Variants in DLGAP3 observed in about 807,000 individuals in gnomAD.
The protein encoded by DLGAP3 is disks large-associated protein 3.
DLGAP3 carries 17 observed loss-of-function variants against 81.2 expected under a neutral mutation model. The ratio of observed to expected loss-of-function variants is 0.21; its 90% CI spans 0.14 to 0.31. DLGAP3 has a LOEUF of 0.31. Ranked by LOEUF, DLGAP3 falls within the 10% of genes least tolerant of loss-of-function variation. DLGAP3 has a pLI of 1.00. For synonymous variants in DLGAP3, 577 were observed against 587.4 expected (o/e 0.98, Z 0.26); for missense variants, 1,124 against 1,388.0 (o/e 0.81, Z 3.02).
intron 1 of DLGAP3, among the ~76,000 whole-genome samples, chr1:34,915,281 G>A (rs895546813): frequency 6.6e-5 from 10 of 152,330 alleles, no homozygotes; most frequent in African/African-American, 2.4e-4. Context: ...GTCTCTATAT[G>A]TTGGCTTCTT....
intron 1 of DLGAP3, among the ~76,000 whole-genome samples, chr1:34,918,386 A>G (rs1421302609): frequency 6.6e-6 from 1 of 152,152 alleles, no homozygotes; most frequent in Non-Finnish European, 1.5e-5. Context: ...CTCAATGCGG[A>G]GCTGATGTGG....
chr1:34,878,071 G>A (rs184178898), intron 8 of DLGAP3, among the ~76,000 whole-genome samples: 1 of 152,208 alleles, frequency 6.6e-6, no homozygotes, highest in Non-Finnish European at 1.5e-5. Flanking sequence ...TTGGGAGGCT[G>A]AGCCGGGTGG....
chr1:34,893,793 G>T (rs911051905), intron 5 of DLGAP3, among the ~76,000 whole-genome samples: 4 of 152,048 alleles, frequency 2.6e-5, no homozygotes, highest in Admixed American at 2.6e-4. Flanking sequence ...AATATAAATG[G>T]TACACTAAAA....
At chr1:34,920,534 C>T (rs1019397124) in intron 1 of DLGAP3, among the ~76,000 whole-genome samples, 1 of 152,178 alleles carries the variant, frequency 6.6e-6, no homozygotes, top group Non-Finnish European at 1.5e-5. Flanking sequence ...CATGCATGTA[C>T]ATTTGTGCAT....
intron 8 of DLGAP3, among the ~76,000 whole-genome samples, chr1:34,872,586 A>G (rs1007484627): frequency 6.6e-6 from 1 of 152,222 alleles, no homozygotes; most frequent in Non-Finnish European, 1.5e-5. Context: ...GCAAAAAGGA[A>G]TTTGCAGATG....
rs745999126 is a variant in DLGAP3 at position 34,867,322 on chromosome 1, C to G, written c.2578-131G>C. 3 of 1,383,176 alleles carry G rather than the reference C, an allele frequency of 2.2e-6. No individual in the cohort carries two copies. The highest frequency in any genetic ancestry group is 3.1e-6 in the Non-Finnish European group (3 of 980,500). The allele number at this position is 1,383,176 out of a possible 1,614,324, so 85.7% of individuals were successfully genotyped here. A position where few individuals can be genotyped will look rare whatever the true frequency, so the allele number is the denominator to read the frequency against. Reference sequence around the variant, plus strand: ...GGGAGAGTGGGTGGGGGCTGGGAGACAGGGGGACAAGAGCGAGCCCAGGAC... The same window carrying G: ...GGGAGAGTGGGTGGGGGCTGGGAGAGAGGGGGACAAGAGCGAGCCCAGGAC... On this transcript the variant is annotated intron_variant, in intron 10 of 11. Coordinates refer to ENST00000373347, the MANE Select transcript of DLGAP3 (RefSeq NM_001080418.3). This position sits in a 1 kb window ranked among gnomAD's most constrained non-coding sequence, Gnocchi z 4.3.
chr1:34,896,131 T>G (rs1182583268), intron 5 of DLGAP3, among the ~76,000 whole-genome samples: 1 of 152,210 alleles, frequency 6.6e-6, no homozygotes, highest in Non-Finnish European at 1.5e-5. Flanking sequence ...TTAAAATGTT[T>G]TGTTCTCCAA....
chr1:34,884,382 A>G (rs965037588), intron 8 of DLGAP3, among the ~76,000 whole-genome samples: 1 of 152,004 alleles, frequency 6.6e-6, no homozygotes, highest in Non-Finnish European at 1.5e-5. Flanking sequence ...TGGCAATGCT[A>G]ATTCTTCAGT....
chr1:34,885,899 C>A, intron 6 of DLGAP3, 108 bp from the exon 7 acceptor site: 3 of 1,153,254 alleles, frequency 2.6e-6, no homozygotes, highest in Admixed American at 5.6e-5. Flanking sequence ...GACCCTGCAG[C>A]GGCGCGCACT....
chr1:34,904,379 C>T lies in DLGAP3; in HGVS notation c.1005G>A (p.Met335Ile), dbSNP rs1277621112. The T allele has an allele frequency of 2.5e-6, 4 of 1,613,698 alleles. No individual in the cohort carries two copies. In the East Asian group the frequency reaches 6.7e-5, roughly 27 times the overall value. Residue 335 changes from methionine to isoleucine, a missense_variant, in exon 3 of 12, where the codon ATG becomes ATA. By Grantham distance (10) the Met-to-Ile change is conservative. Coordinates refer to ENST00000373347, the MANE Select transcript of DLGAP3 (RefSeq NM_001080418.3). This position sits in a 1 kb window ranked among gnomAD's most constrained non-coding sequence, Gnocchi z 8.1. ...ATCCATCCCGGCCCTGGCTGACCAT[C>T]ATGGTATGCCAGGCACTTCGCTTGA... The part of the protein sequence containing the change: ...QSVKRSAWHT[M>I]MVSQGRDGYP...
Position 34,867,278 on chromosome 1 carries a change from C to T in DLGAP3, c.2578-87G>A. On this transcript the variant is annotated intron_variant, in intron 10 of 11. Coordinates refer to ENST00000373347, the MANE Select transcript of DLGAP3 (RefSeq NM_001080418.3). This position sits in a 1 kb window ranked among gnomAD's most constrained non-coding sequence, Gnocchi z 4.3. ...CAAGAGAAAGTCCTATCCACCCTTA[C>T]TGCCAGGAAGCTCAGCCTGGGAGAG... is the stretch of plus-strand genomic sequence containing the variant. The T allele has an allele frequency of 6.3e-7, 1 of 1,581,190 alleles. No individual in the cohort carries two copies. The highest frequency in any genetic ancestry group is 8.7e-7 in the Non-Finnish European group (1 of 1,152,900).
chr1:34,918,771 C>T (rs373661478), intron 1 of DLGAP3, among the ~76,000 whole-genome samples: 3 of 152,284 alleles, frequency 2.0e-5, no homozygotes, highest in Non-Finnish European at 1.5e-5. Flanking sequence ...CAGGGCCCCA[C>T]AGTGCAGGAA....
intron 8 of DLGAP3, among the ~76,000 whole-genome samples, chr1:34,876,325 A>G (rs1569601483): frequency 6.6e-6 from 1 of 152,254 alleles, no homozygotes; most frequent in East Asian, 1.9e-4. Flanking sequence ...AGCAGGGAAC[A>G]CCCTGAAAGG....
intron 1 of DLGAP3, among the ~76,000 whole-genome samples, chr1:34,918,145 C>CGT (rs1639744504): frequency 6.6e-6 from 1 of 152,192 alleles, no homozygotes; most frequent in Non-Finnish European, 1.5e-5. Flanking sequence ...GACAGACAGA[C>CGT]AGACAGGCAT....
intron 1 of DLGAP3, among the ~76,000 whole-genome samples, chr1:34,920,338 A>T (rs139189874): frequency 6.6e-6 from 1 of 152,272 alleles, no homozygotes; most frequent in Non-Finnish European, 1.5e-5. Flanking sequence ...GCAGGAATGA[A>T]CATACATGGG....
chr1:34,865,819 G>A lies in DLGAP3; in HGVS notation c.*264C>T. 1.7e-6 allele frequency: 1 copy of A among 575,876 alleles called. No homozygotes were observed. The highest frequency in any genetic ancestry group is 3.1e-6 in the Non-Finnish European group (1 of 323,264). The allele number at this position is 575,876 out of a possible 1,614,324, so 35.7% of individuals were successfully genotyped here. A position where few individuals can be genotyped will look rare whatever the true frequency, so the allele number is the denominator to read the frequency against. ...ATGGTGCCCATGGGGAGGAGGTGGG[G>A]ACAAAGCGTCGGACCAGGTGGGCAG... On this transcript the variant is annotated 3_prime_UTR_variant, in exon 12 of 12. Coordinates refer to ENST00000373347, the MANE Select transcript of DLGAP3 (RefSeq NM_001080418.3).
At position 34,868,639 on chromosome 1, in the gene DLGAP3, C is replaced by G; in HGVS notation, c.2451G>C (p.Glu817Asp). 1 of 1,613,114 alleles carries G rather than the reference C, an allele frequency of 6.2e-7. No homozygotes were observed. Among genetic ancestry groups the G allele is most frequent in the Non-Finnish European group, 8.5e-7 (1 of 1,180,020 alleles). The change falls in exon 9 of 12, where the codon GAG becomes GAC. Residue 817 changes from glutamate to aspartate, a missense_variant. This residue lies in a region of DLGAP3 where 379 missense variants were observed against 455.7 expected (regional missense o/e 0.83). Coordinates refer to ENST00000373347, the MANE Select transcript of DLGAP3 (RefSeq NM_001080418.3). This position sits in a 1 kb window ranked among gnomAD's most constrained non-coding sequence, Gnocchi z 7.5. ...GTAGCTCATAGTCCTCCGCCTCACG[C>G]TCCATCTGCTGGCACCAGTGCTCCA... ...EKLEHWCQQM[E>D]REAEDYELPE...
chr1:34,918,094 AG>A (rs1325562029), intron 1 of DLGAP3, among the ~76,000 whole-genome samples: 2 of 152,270 alleles, frequency 1.3e-5, no homozygotes, highest in East Asian at 3.9e-4. Context: ...GAACCCTCAG[AG>A]GGGGGGTCTC....
chr1:34,867,671 C>T lies in DLGAP3; in HGVS notation c.2486-44G>A. On this transcript the variant is annotated intron_variant, in intron 9 of 11. Coordinates refer to ENST00000373347, the MANE Select transcript of DLGAP3 (RefSeq NM_001080418.3). This position sits in a 1 kb window ranked among gnomAD's most constrained non-coding sequence, Gnocchi z 4.3. The stretch of plus-strand genomic sequence containing the variant: ...TTCAGGGAGGGAAATGATGCATCTC[C>T]TTCCCCAGCCTCCACGAAGTCTGCC... The T allele has an allele frequency of 1.3e-6, 2 of 1,491,190 alleles. No individual in the cohort carries two copies. Among genetic ancestry groups the T allele is most frequent in the Non-Finnish European group, 1.9e-6 (2 of 1,070,050 alleles). The allele number at this position is 1,491,190 out of a possible 1,614,324, so 92.4% of individuals were successfully genotyped here.
Sources: allele counts gnomAD v4.1 joint callset (sites outside exome capture counted in the v4.1 genomes callset), GRCh38; gene constraint gnomAD v4.1.1; regional missense constraint gnomAD v4.1.1; non-coding constraint Gnocchi (gnomAD v3.1); transcripts MANE v1.5; gene names NCBI Gene and HGNC (gene_info 2026-07-23, HGNC 2026-07-21).